The following CBX5 variants were observed in gnomAD, a reference collection of about 807,000 sequenced individuals.
The protein encoded by CBX5 is chromobox 5.
CBX5 carries 7 observed loss-of-function variants against 20.7 expected under a neutral mutation model. That is an observed-to-expected ratio of 0.34 (90% CI 0.19 to 0.63). The LOEUF is 0.63. Ranked by LOEUF, CBX5 falls within the 30% of genes least tolerant of loss-of-function variation. The pLI is 0.75. For synonymous variants in CBX5, 78 were observed against 77.0 expected, an observed-to-expected ratio of 1.01 and a Z score of -0.07; for missense variants, 110 against 224.1, an observed-to-expected ratio of 0.49 and a Z score of 3.25.
At chr12:54,266,006 C>T (rs1943952105) in intron 1 of CBX5, among the ~76,000 whole-genome samples, 1 of 151,000 alleles carries the variant, frequency 6.6e-6, no homozygotes. Flanking sequence ...GAGATGGTGC[C>T]ACTGCACTCC....
At position 54,233,250 on chromosome 12, in the gene CBX5, G is replaced by A. The variant is rs1397456909; in HGVS notation, c.*8505C>T. ...AGACTCTTGAATTCTTTCCTCCTGTGAGAGATGTAACTCTTTAACAAAAAA... is the reference window on the plus strand; with the variant it reads ...AGACTCTTGAATTCTTTCCTCCTGTAAGAGATGTAACTCTTTAACAAAAAA... On this transcript the variant is annotated 3_prime_UTR_variant, in exon 5 of 5. Coordinates refer to ENST00000209875, the MANE Select transcript of CBX5 (RefSeq NM_012117.3). The A allele has an allele frequency of 6.6e-6, 1 of 152,102 alleles. No individual in the cohort carries two copies. The highest frequency in any genetic ancestry group is 2.4e-5 in the African/African-American group (1 of 41,394). 9.4% of individuals were successfully genotyped at this position (152,102 alleles called of 1,614,324 possible). A position where few individuals can be genotyped will look rare whatever the true frequency, so the allele number is the denominator to read the frequency against.
intron 1 of CBX5, among the ~76,000 whole-genome samples, chr12:54,270,594 A>G (rs1943999946): frequency 6.6e-6 from 1 of 152,136 alleles, no homozygotes; most frequent in South Asian, 2.1e-4. Context: ...GTTTTGATAT[A>G]TCATCTTTTC....
chr12:54,249,501 G>A (rs1396803020), intron 3 of CBX5, among the ~76,000 whole-genome samples: 2 of 151,550 alleles, frequency 1.3e-5, no homozygotes, highest in African/African-American at 4.9e-5. Context: ...CTCTAGAAAG[G>A]TATAAATCTA....
At chr12:54,269,770 G>A (rs938982185) in intron 1 of CBX5, among the ~76,000 whole-genome samples, 3 of 152,034 alleles carry the variant, frequency 2.0e-5, no homozygotes, top group Admixed American at 6.6e-5. Context: ...AGGTTCTGAC[G>A]TTTTCTTCTT....
chr12:54,278,398 G>A (rs1448556354), intron 1 of CBX5, among the ~76,000 whole-genome samples: 3 of 152,196 alleles, frequency 2.0e-5, no homozygotes, highest in Non-Finnish European at 2.9e-5. Context: ...TAGGTTTACA[G>A]CCAGGTATAA....
At position 54,247,290 on chromosome 12, in the gene CBX5, C is replaced by T. The variant is rs145641041; in HGVS notation, c.325-1075G>A. Among the ~76,000 whole-genome samples, 36 of 152,186 alleles carry T rather than the reference C, an allele frequency of 2.4e-4. No individual in the cohort carries two copies. The East Asian group carries it at 5.8e-3, about 24-fold the overall frequency. Reference sequence around the variant, plus strand: ...ACTGGCCTGGTGCAGTGACTCATGCCTGTAATCCCAGCACTTTGGGAGGCT... The same window carrying T: ...ACTGGCCTGGTGCAGTGACTCATGCTTGTAATCCCAGCACTTTGGGAGGCT... On this transcript the variant is annotated intron_variant, in intron 3 of 4. Transcript: ENST00000209875.
intron 2 of CBX5, among the ~76,000 whole-genome samples, chr12:54,254,031 G>A (rs1307894851): frequency 6.6e-6 from 1 of 152,106 alleles, no homozygotes; most frequent in Non-Finnish European, 1.5e-5. Context: ...AATTATGGAT[G>A]TGAGCCACCG....
chr12:54,268,561 T>C (rs1371605231), intron 1 of CBX5, among the ~76,000 whole-genome samples: 1 of 152,214 alleles, frequency 6.6e-6, no homozygotes, highest in Non-Finnish European at 1.5e-5. Flanking sequence ...GCCAAAGATA[T>C]GATTAATATA....
Position 54,232,836 on chromosome 12 carries a change from C to T in CBX5, c.*8919G>A, listed in dbSNP as rs776459893. Reference sequence around the variant, plus strand: ...GAATTATTTTGTAAAGAAATATTCACTTTATCTTAGGAGGTGAAGGACTAA... The same window carrying T: ...GAATTATTTTGTAAAGAAATATTCATTTTATCTTAGGAGGTGAAGGACTAA... On this transcript the variant is annotated 3_prime_UTR_variant, in exon 5 of 5. Transcript: ENST00000209875. 7.2e-5 allele frequency: 11 copies of T among 152,092 alleles called. No individual in the cohort carries two copies. The highest frequency in any genetic ancestry group is 1.5e-4 in the Non-Finnish European group (10 of 68,024). The allele number at this position is 152,092 out of a possible 1,614,324, so 9.4% of individuals were successfully genotyped here. A position where few individuals can be genotyped will look rare whatever the true frequency, so the allele number is the denominator to read the frequency against.
intron 1 of CBX5, chr12:54,259,160 T>G (rs1720368000): frequency 6.6e-6 from 1 of 152,098 alleles, no homozygotes. Context: ...AGTCCTAAGC[T>G]TCAAGAAAAT....
In CBX5 at chr12:54,246,095, C is replaced by T. The variant is rs377601561; in HGVS notation, c.425+20G>A. On this transcript the variant is annotated intron_variant, in intron 4 of 4. Coordinates refer to ENST00000209875, the MANE Select transcript of CBX5 (RefSeq NM_012117.3). ...CTGGCAAAGAAACACAATTGTAAAGCGAAGCCAAATCTCTCTCACCATTTC... is the reference window on the plus strand; with the variant it reads ...CTGGCAAAGAAACACAATTGTAAAGTGAAGCCAAATCTCTCTCACCATTTC... The T allele has an allele frequency of 2.0e-5, 31 of 1,551,858 alleles. No individual in the cohort carries two copies. The highest frequency in any genetic ancestry group is 5.6e-5 in the South Asian group (5 of 89,674).
chr12:54,252,337 A>G (rs1943814728), intron 2 of CBX5, 110 bp from the exon 3 acceptor site: 1 of 649,860 alleles, frequency 1.5e-6, no homozygotes, highest in Admixed American at 3.8e-5. Flanking sequence ...GGACAGAGAA[A>G]CCCTATGCTT....
At chr12:54,245,983 CAA>C in intron 4 of CBX5, 130 bp downstream of exon 4, 1 of 686,096 alleles carries the variant, frequency 1.5e-6, no homozygotes, top group Non-Finnish European at 2.6e-6. Context: ...AACACTGTCT[CAA>C]AAAAAGAAAG....
intron 1 of CBX5, among the ~76,000 whole-genome samples, chr12:54,260,386 A>G (rs1397450705): frequency 6.6e-6 from 1 of 152,028 alleles, no homozygotes; most frequent in Non-Finnish European, 1.5e-5. Flanking sequence ...CCAGCTCCTC[A>G]GGGGGCTGAG....
In CBX5 at chr12:54,241,580, C is replaced by T. The variant is rs1943677262; in HGVS notation, c.*175G>A. ...TCACAGAGAGACACTTATCATTAATCAGACCATCAGTTATGTTACAAGAGA... is the reference window on the plus strand; with the variant it reads ...TCACAGAGAGACACTTATCATTAATTAGACCATCAGTTATGTTACAAGAGA... On this transcript the variant is annotated 3_prime_UTR_variant, in exon 5 of 5. Coordinates refer to ENST00000209875, the MANE Select transcript of CBX5 (RefSeq NM_012117.3). The T allele has an allele frequency of 1.7e-6, 1 of 593,802 alleles. No homozygotes were observed. The highest frequency in any genetic ancestry group is 1.9e-5 in the African/African-American group (1 of 52,892). The allele number at this position is 593,802 out of a possible 1,614,324, so 36.8% of individuals were successfully genotyped here. A position where few individuals can be genotyped will look rare whatever the true frequency, so the allele number is the denominator to read the frequency against.
chr12:54,275,990 C>CAAA (rs55963261), intron 1 of CBX5, among the ~76,000 whole-genome samples: 1 of 90,724 alleles, frequency 1.1e-5, no homozygotes, highest in Admixed American at 1.2e-4. Context: ...GACTCCATTC[C>CAAA]AAAAAAAAAA....
intron 3 of CBX5, among the ~76,000 whole-genome samples, chr12:54,246,974 C>T (rs182496095): frequency 2.0e-4 from 30 of 152,182 alleles, no homozygotes; most frequent in African/African-American, 7.2e-4. Context: ...ACCTCTCTCT[C>T]AATCTTTATT....
chr12:54,244,663 G>A (rs1028639313), intron 4 of CBX5, among the ~76,000 whole-genome samples: 2 of 151,912 alleles, frequency 1.3e-5, no homozygotes, highest in Non-Finnish European at 2.9e-5. Context: ...ACTTGAACCC[G>A]GGAGGCAGAG....
chr12:54,245,003 T>C (rs999745521), intron 4 of CBX5, among the ~76,000 whole-genome samples: 1 of 151,062 alleles, frequency 6.6e-6, no homozygotes, highest in Non-Finnish European at 1.5e-5. Context: ...TTTATATATA[T>C]ATATTTATTA....
Sources: allele counts gnomAD v4.1 joint callset (sites outside exome capture counted in the v4.1 genomes callset), GRCh38; gene constraint gnomAD v4.1.1; transcripts MANE v1.5; gene names NCBI Gene and HGNC (gene_info 2026-07-23, HGNC 2026-07-21).